Variants in SUPT16H observed in about 807,000 individuals in gnomAD.
SUPT16H encodes FACT complex subunit SPT16.
SUPT16H carries 24 observed loss-of-function variants against 136.2 expected under a neutral mutation model. The ratio of observed to expected loss-of-function variants is 0.18; its 90% CI spans 0.13 to 0.25. The LOEUF (loss-of-function observed/expected upper bound fraction) is 0.25. Among genes scored for constraint, SUPT16H ranks in the 10% least tolerant of loss-of-function variants. The pLI is 1.00. For synonymous variants in SUPT16H, 415 were observed against 428.2 expected (o/e 0.97, Z 0.38); for missense variants, 623 against 1,270.2 (o/e 0.49, Z 7.74).
intron 1 of SUPT16H, among the ~76,000 whole-genome samples, chr14:21,381,652 C>T (rs1887027748): frequency 6.6e-6 from 1 of 151,060 alleles, no homozygotes; most frequent in African/African-American, 2.4e-5. Flanking sequence ...GGGTCTCATC[C>T]AGGCTGGAGT....
chr14:21,373,441 TG>T lies in SUPT16H; in HGVS notation c.67-12del. ...CTCATCTTCTCCTTTCTGAAAAGAGTGGGTAATCATCACTTAATTTTTCACA... is the reference window on the plus strand; with the variant it reads ...CTCATCTTCTCCTTTCTGAAAAGAGTGGTAATCATCACTTAATTTTTCACA... On this transcript the variant is annotated splice_polypyrimidine_tract_variant and intron_variant, in intron 1 of 25. Coordinates refer to ENST00000216297, the MANE Select transcript of SUPT16H (RefSeq NM_007192.4). 6.3e-7 allele frequency: 1 copy of T among 1,597,014 alleles called. No homozygotes were observed. Among genetic ancestry groups the T allele is most frequent in the Non-Finnish European group, 8.6e-7 (1 of 1,164,576 alleles).
Position 21,357,938 on chromosome 14 carries a change from CAT to C in SUPT16H, c.2477_2478del (p.Asn826SerfsTer13). On this transcript the variant is annotated frameshift_variant, in exon 21 of 26. Coordinates refer to ENST00000216297, the MANE Select transcript of SUPT16H (RefSeq NM_007192.4). LOFTEE classifies it high-confidence loss of function. ...LLQPTSSALVNATEWPPFVVT... is the reference protein window; with the variant it reads ...LLQPTSSALVXATEWPPFVVT... ...TAAGAAACACTCACCCATTCCGTAG[CAT>C]TTACCAGCGCACTACTAGTGGGCTG... 1.9e-6 allele frequency: 3 copies of C among 1,613,680 alleles called. No individual in the cohort carries two copies. The highest frequency in any genetic ancestry group is 2.5e-6 in the Non-Finnish European group (3 of 1,179,682).
chr14:21,354,514 C>A lies in SUPT16H; in HGVS notation c.2687G>T (p.Gly896Val). ...TTTAGTCCAGTTGAGGGACTGTACT[C>A]CTTCTGTGTATTTCAGGTCGCAGGA... ...LNSCDLKYTEGVQSLNWTKIM... is the reference protein window; with the variant it reads ...LNSCDLKYTEVVQSLNWTKIM... The change falls in exon 23 of 26, where the codon GGA (glycine) becomes GTA (valine). Residue 896 changes from glycine to valine, a missense_variant. Physicochemically the swap from Gly to Val is moderately radical, Grantham distance 109. This residue lies in a region of SUPT16H where 74 missense variants were observed against 193.8 expected (regional missense o/e 0.38). Transcript: ENST00000216297. The A allele has an allele frequency of 6.2e-7, 1 of 1,614,104 alleles. No individual in the cohort carries two copies. Among genetic ancestry groups the A allele is most frequent in the Non-Finnish European group, 8.5e-7 (1 of 1,179,974 alleles).
Position 21,363,380 on chromosome 14 carries a change from A to T in SUPT16H, c.1300-52T>A, listed in dbSNP as rs190518764. On this transcript the variant is annotated intron_variant, in intron 11 of 25. Coordinates refer to ENST00000216297, the MANE Select transcript of SUPT16H (RefSeq NM_007192.4). ...TGAAATTTTAATTATTTTAGCCAATATTATTTAACTTCTTTATATCCTAAA... is the reference window on the plus strand; with the variant it reads ...TGAAATTTTAATTATTTTAGCCAATTTTATTTAACTTCTTTATATCCTAAA... 2.5e-6 allele frequency: 4 copies of T among 1,605,520 alleles called. No individual in the cohort carries two copies. In the Admixed American group the frequency reaches 6.7e-5, roughly 27 times the overall value.
chr14:21,382,734 AT>A (rs1383538526), intron 1 of SUPT16H, among the ~76,000 whole-genome samples: 2 of 152,352 alleles, frequency 1.3e-5, no homozygotes, highest in Admixed American at 6.5e-5. Context: ...ATTAAAAAAA[AT>A]AAAATGTTCA....
intron 18 of SUPT16H, 136 bp downstream of exon 18, chr14:21,360,279 C>T (rs958330586): frequency 2.7e-5 from 16 of 602,276 alleles, no homozygotes; most frequent in South Asian, 1.5e-4. Flanking sequence ...CCACCCACCT[C>T]GGCCTCCCAA....
At chr14:21,355,564 C>G (rs576954682) in intron 22 of SUPT16H, among the ~76,000 whole-genome samples, 14 of 150,246 alleles carry the variant, frequency 9.3e-5, no homozygotes, top group African/African-American at 3.2e-4. Flanking sequence ...TTTTCAATGG[C>G]CCTAGCCTTT....
In SUPT16H at chr14:21,379,791, G is replaced by T. The variant is rs181949001; in HGVS notation, c.66+4071C>A. ...CCTAGCTACTCAGGAGGCTGAGGTG[G>T]GAAGATCACCTGAGGCTGGTTTGGT... is the stretch of plus-strand genomic sequence containing the variant. On this transcript the variant is annotated intron_variant, in intron 1 of 25. Transcript: ENST00000216297. 9.1e-4 allele frequency among the ~76,000 whole-genome samples: 138 copies of T among 152,250 alleles called. 3 individuals carry two copies. The highest frequency in any genetic ancestry group is 3.1e-3 in the African/African-American group (127 of 41,546).
chr14:21,359,078 T>A (rs1886494979), intron 19 of SUPT16H, among the ~76,000 whole-genome samples: 1 of 150,478 alleles, frequency 6.6e-6, no homozygotes, highest in Non-Finnish European at 1.5e-5. Context: ...GTGCTGGGAT[T>A]ATAGGCGTGA....
intron 23 of SUPT16H, 70 bp from the exon 24 acceptor site, chr14:21,353,902 C>T: frequency 2.0e-6 from 3 of 1,466,428 alleles, no homozygotes; most frequent in Non-Finnish European, 9.3e-7. Flanking sequence ...ATTAATTCAG[C>T]CCACATAGTA....
intron 1 of SUPT16H, among the ~76,000 whole-genome samples, chr14:21,374,402 C>T (rs1886855157): frequency 6.6e-6 from 1 of 152,206 alleles, no homozygotes; most frequent in African/African-American, 2.4e-5. Context: ...AATTCAAAAG[C>T]ATACAATGTA....
intron 11 of SUPT16H, 22 bp downstream of exon 11, chr14:21,363,416 T>C: frequency 1.2e-6 from 2 of 1,612,332 alleles, no homozygotes; most frequent in Non-Finnish European, 1.7e-6. Context: ...CTTCCTATAC[T>C]ACTTATCTAT....
chr14:21,361,008 A>G (rs1886539268), intron 16 of SUPT16H, 36 bp from the exon 17 acceptor site: 1 of 1,611,950 alleles, frequency 6.2e-7, no homozygotes, highest in Non-Finnish European at 8.5e-7. Flanking sequence ...ATTGTCACAT[A>G]TCCTTACAAG....
chr14:21,363,186 A>G (rs1886593283), intron 12 of SUPT16H, 37 bp from the exon 13 acceptor site: 7 of 1,614,028 alleles, frequency 4.3e-6, no homozygotes, highest in Non-Finnish European at 5.9e-6. Flanking sequence ...ACAACACGTG[A>G]GCCATATGAC....
rs538206878 is a variant in SUPT16H at position 21,362,240 on chromosome 14, C to T, written c.1750G>A (p.Gly584Ser). 4 of 1,612,874 alleles carry T rather than the reference C, an allele frequency of 2.5e-6. No individual in the cohort carries two copies. Among genetic ancestry groups the T allele is most frequent in the Non-Finnish European group, 3.4e-6 (4 of 1,179,980 alleles). The change falls in exon 15 of 26, where the codon GGC becomes AGC. Residue 584 changes from glycine to serine, a missense_variant. Physicochemically the swap from Gly to Ser is moderately conservative, Grantham distance 56. Around this residue, in one of 7 missense-constraint regions of SUPT16H, gnomAD observed 62 missense variants for 200.5 expected, o/e 0.31. Transcript: ENST00000216297. ...CPGSALGRNE[G>S]NIFPNPEATF... ...GCTTCAGGGTTAGGAAAGATGTTGCCTTCATTCCTGCCCAGAGCACTGCCT... is the reference window on the plus strand; with the variant it reads ...GCTTCAGGGTTAGGAAAGATGTTGCTTTCATTCCTGCCCAGAGCACTGCCT...
At chr14:21,360,819 C>T (rs1422063195) in intron 17 of SUPT16H, 27 bp downstream of exon 17, 1 of 1,595,280 alleles carries the variant, frequency 6.3e-7, no homozygotes, top group African/African-American at 1.4e-5. Flanking sequence ...GAAGAGAAAG[C>T]CTAGGTACAG....
chr14:21,360,364 A>G, intron 18 of SUPT16H, 51 bp downstream of exon 18: 1 of 1,347,530 alleles, frequency 7.4e-7, no homozygotes, highest in Non-Finnish European at 1.0e-6. Context: ...AGCTGAGTGA[A>G]ATGAAGTGTC....
At chr14:21,382,480 T>A (rs1015016621) in intron 1 of SUPT16H, among the ~76,000 whole-genome samples, 27 of 152,232 alleles carry the variant, frequency 1.8e-4, no homozygotes, top group Non-Finnish European at 2.9e-5. Context: ...TTAGTTTTCA[T>A]GAATGGTATA....
At chr14:21,361,430 C>T (rs1412708554) in intron 15 of SUPT16H, 2 of 579,352 alleles carry the variant, frequency 3.5e-6, no homozygotes, top group African/African-American at 3.8e-5. Flanking sequence ...CATCCTCCCA[C>T]CTCAGCCTTC....
Sources: gnomAD v4.1 joint callset for allele counts (sites outside exome capture counted in the v4.1 genomes callset) on GRCh38, gnomAD v4.1.1 for gene constraint, gnomAD v4.1.1 regional missense constraint, MANE v1.5 for transcripts, NCBI Gene and HGNC (gene_info 2026-07-23, HGNC 2026-07-21) for gene names.